Variants in MAML2 observed in about 807,000 individuals in gnomAD.
The protein encoded by MAML2 is mastermind-like protein 2.
Under a neutral mutation model 96.1 loss-of-function variants are expected in MAML2, and 22 were observed. The observed-to-expected ratio is 0.23, with a 90% CI of 0.16 to 0.33. MAML2 has a LOEUF of 0.33. MAML2 is among the 10% of genes least tolerant of loss of function. The pLI, the probability that MAML2 is intolerant of heterozygous loss-of-function variation, is 1.00. For synonymous variants in MAML2, 561 were observed against 521.3 expected (o/e 1.08, Z -1.04); for missense variants, 1,367 against 1,392.4 (o/e 0.98, Z 0.29).
At position 96,330,260 on chromosome 11, in the gene MAML2, C is replaced by T. The variant is rs554760217; in HGVS notation, c.513+11123G>A. Among the ~76,000 whole-genome samples, 3 of 152,284 alleles carry T rather than the reference C, an allele frequency of 2.0e-5. No homozygotes were observed. The South Asian group carries it at 6.2e-4, about 32-fold the overall frequency. ...GAGGGAATTTGTATGAATTATAATA[C>T]ATTGAGAAGAGACAAAGAGAAAGCA... On this transcript the variant is annotated intron_variant, in intron 1 of 4. Transcript: ENST00000524717.
At chr11:96,291,927 T>C (rs1172335736) in intron 1 of MAML2, among the ~76,000 whole-genome samples, 1 of 152,174 alleles carries the variant, frequency 6.6e-6, no homozygotes, top group Non-Finnish European at 1.5e-5. Context: ...CTGCCATAGA[T>C]CCATGTTCCA....
At chr11:96,161,398 G>T (rs997372445) in intron 1 of MAML2, among the ~76,000 whole-genome samples, 1 of 152,188 alleles carries the variant, frequency 6.6e-6, no homozygotes, top group Non-Finnish European at 1.5e-5. Context: ...GACTACTTGA[G>T]CAGAACAGCC....
At chr11:96,169,920 T>C (rs1861257061) in intron 1 of MAML2, among the ~76,000 whole-genome samples, 1 of 152,220 alleles carries the variant, frequency 6.6e-6, no homozygotes, top group South Asian at 2.1e-4. Flanking sequence ...CCCAAAGTAT[T>C]GGGATTGCAG....
At chr11:96,213,139 A>G (rs1591075980) in intron 1 of MAML2, among the ~76,000 whole-genome samples, 2 of 152,328 alleles carry the variant, frequency 1.3e-5, no homozygotes, top group African/African-American at 4.8e-5. Context: ...ACACAGGAAA[A>G]GAGTAGAAAA....
rs1157893034 is a variant in MAML2 at position 96,159,404 on chromosome 11, A to ATTTTTTTTTTTTT, written c.514-65888_514-65887insAAAAAAAAAAAAA. Among the ~76,000 whole-genome samples the ATTTTTTTTTTTTT allele has an allele frequency of 9.3e-3, 576 of 61,910 alleles. 119 individuals are homozygous for ATTTTTTTTTTTTT. The highest frequency in any genetic ancestry group is 0.031 in the East Asian group (44 of 1,422). The allele number at this position is 61,910 out of a possible 152,430, so 40.6% of individuals were successfully genotyped here. A position where few individuals can be genotyped will look rare whatever the true frequency, so the allele number is the denominator to read the frequency against. ...TACTAACCGTGCCTCTAAACCACTG[A>ATTTTTTTTTTTTT]TTCTTTTTTTTTTTTTTTTTTTTTT... On this transcript the variant is annotated intron_variant, in intron 1 of 4. Coordinates refer to ENST00000524717, the MANE Select transcript of MAML2 (RefSeq NM_032427.4).
intron 1 of MAML2, among the ~76,000 whole-genome samples, chr11:96,318,442 T>G (rs1290569751): frequency 6.6e-6 from 1 of 152,102 alleles, no homozygotes; most frequent in Non-Finnish European, 1.5e-5. Context: ...TTTAAGAGAG[T>G]TAACTAATAG....
At chr11:96,341,337 A>G in intron 1 of MAML2, 46 bp downstream of exon 1, 1 of 1,472,564 alleles carries the variant, frequency 6.8e-7, no homozygotes, top group Non-Finnish European at 9.0e-7. Context: ...CCCTCACAAA[A>G]GGTCACAGGA....
Position 96,083,499 on chromosome 11 carries a change from C to T in MAML2, c.2139+8393G>A, listed in dbSNP as rs980798856. Among the ~76,000 whole-genome samples the T allele has an allele frequency of 1.3e-5, 2 of 152,176 alleles. 1 individual carries two copies. The highest frequency in any genetic ancestry group is 4.8e-5 in the African/African-American group (2 of 41,434). ...GGGGCAGCTGAGAGGGAATTCTCTGCTTTCCAGCTCTGACTAGAACTGGAA... is the reference window on the plus strand; with the variant it reads ...GGGGCAGCTGAGAGGGAATTCTCTGTTTTCCAGCTCTGACTAGAACTGGAA... On this transcript the variant is annotated intron_variant, in intron 2 of 4. Coordinates refer to ENST00000524717, the MANE Select transcript of MAML2 (RefSeq NM_032427.4).
chr11:96,153,679 A>G (rs1032752469), intron 1 of MAML2, among the ~76,000 whole-genome samples: 2 of 152,126 alleles, frequency 1.3e-5, no homozygotes, highest in Non-Finnish European at 2.9e-5. Flanking sequence ...TGGGAGGCCA[A>G]GGTGGGTAGA....
At chr11:96,162,719 G>GA (rs1298675054) in intron 1 of MAML2, among the ~76,000 whole-genome samples, 2,955 of 74,802 alleles carry the variant, frequency 0.04, 130 homozygotes, top group African/African-American at 0.11. Flanking sequence ...CTCAAAAAAA[G>GA]AAAAAAAAAA....
intron 1 of MAML2, among the ~76,000 whole-genome samples, chr11:96,183,661 C>A (rs1358474959): frequency 6.6e-6 from 1 of 151,888 alleles, no homozygotes; most frequent in Non-Finnish European, 1.5e-5. Flanking sequence ...CCTCCCGCCT[C>A]AGCCTCCCAA....
At chr11:96,048,479 A>AG (rs1858941290) in intron 2 of MAML2, among the ~76,000 whole-genome samples, 2 of 152,246 alleles carry the variant, frequency 1.3e-5, no homozygotes, top group Admixed American at 1.3e-4. Context: ...ACTGTAATTT[A>AG]GGCAGAAAGA....
chr11:96,168,639 G>A (rs1861230942), intron 1 of MAML2, among the ~76,000 whole-genome samples: 2 of 152,186 alleles, frequency 1.3e-5, no homozygotes, highest in South Asian at 4.1e-4. Context: ...GTCCTTGAGA[G>A]ATCTCTTAGA....
In MAML2 at chr11:96,270,746, T is replaced by C. The variant is rs1334391674; in HGVS notation, c.513+70637A>G. 2.0e-5 allele frequency among the ~76,000 whole-genome samples: 3 copies of C among 152,336 alleles called. No individual in the cohort carries two copies. The East Asian group carries it at 5.8e-4, about 29-fold the overall frequency. The stretch of plus-strand genomic sequence containing the variant: ...TATGCCACTTCTCTGCTTAAAACCC[T>C]CCAGTACCTTCCTGTAATGGTTAAC... On this transcript the variant is annotated intron_variant, in intron 1 of 4. Coordinates refer to ENST00000524717, the MANE Select transcript of MAML2 (RefSeq NM_032427.4).
chr11:96,335,370 A>C (rs1207548739), intron 1 of MAML2, among the ~76,000 whole-genome samples: 1 of 152,228 alleles, frequency 6.6e-6, no homozygotes, highest in South Asian at 2.1e-4. Flanking sequence ...GAGTATAAAC[A>C]CTTTTACCAA....
At chr11:96,150,829 T>C (rs1027048565) in intron 1 of MAML2, among the ~76,000 whole-genome samples, 2 of 152,114 alleles carry the variant, frequency 1.3e-5, no homozygotes, top group Non-Finnish European at 2.9e-5. Context: ...TCCCCAACTC[T>C]AGTTTATTTT....
chr11:95,989,274 A>G (rs944379214), intron 3 of MAML2, among the ~76,000 whole-genome samples: 4 of 152,260 alleles, frequency 2.6e-5, no homozygotes, highest in African/African-American at 9.6e-5. Flanking sequence ...TGGATATGCT[A>G]AAAAGCACAG....
At chr11:96,322,064 G>A (rs1353444871) in intron 1 of MAML2, among the ~76,000 whole-genome samples, 1 of 152,212 alleles carries the variant, frequency 6.6e-6, no homozygotes, top group East Asian at 1.9e-4. Flanking sequence ...TGTTTACAAC[G>A]AAGTTAAAGG....
At chr11:96,150,679 C>T (rs1055792772) in intron 1 of MAML2, among the ~76,000 whole-genome samples, 5 of 152,126 alleles carry the variant, frequency 3.3e-5, no homozygotes, top group African/African-American at 1.2e-4. Flanking sequence ...CCTCACCCTA[C>T]ATAAGATAGT....
Sources: allele counts gnomAD v4.1 joint callset (sites outside exome capture counted in the v4.1 genomes callset), GRCh38; gene constraint gnomAD v4.1.1; transcripts MANE v1.5; gene names NCBI Gene and HGNC (gene_info 2026-07-23, HGNC 2026-07-21).